CAMK1D: variants seen among roughly 807,000 people sequenced by gnomAD.
CAMK1D encodes the protein calcium/calmodulin-dependent protein kinase type 1D.
CAMK1D carries 9 observed loss-of-function variants against 47.7 expected under a neutral mutation model. The observed-to-expected ratio is 0.19, with a 90% confidence interval of 0.11 to 0.33. The LOEUF is 0.33. CAMK1D is among the 10% of genes least tolerant of loss of function. The pLI is 1.00. For missense variants in CAMK1D, 291 were observed against 488.7 expected (o/e 0.60, Z 3.81); for synonymous variants, 184 against 184.9 (o/e 0.99, Z 0.04).
At chr10:12,670,558 T>C (rs1261309930) in intron 3 of CAMK1D, among the ~76,000 whole-genome samples, 1 of 152,120 alleles carries the variant, frequency 6.6e-6, no homozygotes, top group Non-Finnish European at 1.5e-5. Context: ...ATGAAATTTT[T>C]TTTTTTTTGA....
At chr10:12,584,517 G>C (rs933435092) in intron 2 of CAMK1D, among the ~76,000 whole-genome samples, 1 of 152,194 alleles carries the variant, frequency 6.6e-6, no homozygotes, top group Non-Finnish European at 1.5e-5. Flanking sequence ...AGAGGGATCT[G>C]AGACTCAGAA....
At chr10:12,725,724 C>T (rs1181857703) in intron 3 of CAMK1D, among the ~76,000 whole-genome samples, 2 of 152,148 alleles carry the variant, frequency 1.3e-5, no homozygotes, top group African/African-American at 4.8e-5. Flanking sequence ...TGGTCATGTT[C>T]GTCTAGCCAG....
chr10:12,748,606 GAGA>G (rs1412368983), intron 3 of CAMK1D, among the ~76,000 whole-genome samples: 1 of 152,214 alleles, frequency 6.6e-6, no homozygotes, highest in Non-Finnish European at 1.5e-5. Context: ...CTCATCTGTT[GAGA>G]AGGACAGTAG....
intron 6 of CAMK1D, among the ~76,000 whole-genome samples, chr10:12,800,113 A>G (rs1838364398): frequency 6.6e-6 from 1 of 152,206 alleles, no homozygotes. Context: ...TATGTGAACC[A>G]TTCCTAGTTT....
intron 1 of CAMK1D, among the ~76,000 whole-genome samples, chr10:12,411,430 G>A (rs1439098049): frequency 2.6e-5 from 4 of 152,234 alleles, no homozygotes; most frequent in East Asian, 3.9e-4. Context: ...TGGGTCAGGC[G>A]GCTCCCAGCA....
At chr10:12,354,175 A>T (rs972826391) in intron 1 of CAMK1D, among the ~76,000 whole-genome samples, 1 of 152,078 alleles carries the variant, frequency 6.6e-6, no homozygotes, top group Non-Finnish European at 1.5e-5. Flanking sequence ...TCTCCGCGGG[A>T]TATGAATGCA....
chr10:12,598,663 C>T (rs1433785934), intron 2 of CAMK1D, among the ~76,000 whole-genome samples: 3 of 152,072 alleles, frequency 2.0e-5, no homozygotes, highest in Non-Finnish European at 4.4e-5. Context: ...CAGAAAGGAC[C>T]GAAGGTCTGA....
At chr10:12,410,606 TTTG>T (rs1372981640) in intron 1 of CAMK1D, among the ~76,000 whole-genome samples, 1 of 152,192 alleles carries the variant, frequency 6.6e-6, no homozygotes, top group Non-Finnish European at 1.5e-5. Flanking sequence ...TTGATCAATT[TTTG>T]TTGTTTGTTT....
chr10:12,391,422 A>G (rs1838727088), intron 1 of CAMK1D, among the ~76,000 whole-genome samples: 1 of 152,212 alleles, frequency 6.6e-6, no homozygotes, highest in Admixed American at 6.5e-5. Flanking sequence ...TTCCACAGGA[A>G]GGCAGTTTCA....
chr10:12,357,841 G>A (rs745783933), intron 1 of CAMK1D, among the ~76,000 whole-genome samples: 10 of 151,918 alleles, frequency 6.6e-5, no homozygotes, highest in Non-Finnish European at 1.2e-4. Flanking sequence ...TTTTCTCCGG[G>A]GTAGTTTTTT....
intron 3 of CAMK1D, among the ~76,000 whole-genome samples, chr10:12,705,137 G>C (rs1588827000): frequency 6.6e-6 from 1 of 152,176 alleles, no homozygotes; most frequent in East Asian, 1.9e-4. Context: ...AGTTATGACT[G>C]GCTTAAAACA....
intron 2 of CAMK1D, among the ~76,000 whole-genome samples, chr10:12,663,018 A>G (rs1309003533): frequency 2.0e-5 from 3 of 152,042 alleles, no homozygotes; most frequent in African/African-American, 7.2e-5. Context: ...CTGGAGTGCA[A>G]TGGCACGATC....
At chr10:12,620,331 A>G (rs566106380) in intron 2 of CAMK1D, among the ~76,000 whole-genome samples, 2 of 151,720 alleles carry the variant, frequency 1.3e-5, no homozygotes, top group African/African-American at 4.9e-5. Flanking sequence ...TGCATGTTCC[A>G]TTTGTAAAGA....
chr10:12,538,127 C>T (rs372799362), intron 1 of CAMK1D, among the ~76,000 whole-genome samples: 4 of 152,196 alleles, frequency 2.6e-5, no homozygotes, highest in Non-Finnish European at 4.4e-5. Flanking sequence ...GGGAAGGCAC[C>T]GTCAGCCACT....
intron 1 of CAMK1D, among the ~76,000 whole-genome samples, chr10:12,457,468 G>A (rs1833287421): frequency 6.6e-6 from 1 of 151,826 alleles, no homozygotes; most frequent in African/African-American, 2.4e-5. Flanking sequence ...GAAAAACAGT[G>A]CATGGAGTAT....
chr10:12,724,202 T>C (rs1436941921), intron 3 of CAMK1D, among the ~76,000 whole-genome samples: 3 of 152,194 alleles, frequency 2.0e-5, no homozygotes, highest in Non-Finnish European at 4.4e-5. Context: ...GTTGGCCAGG[T>C]TGATCTCAAA....
intron 2 of CAMK1D, among the ~76,000 whole-genome samples, chr10:12,579,081 A>G (rs1283057820): frequency 6.6e-6 from 1 of 152,118 alleles, no homozygotes; most frequent in Non-Finnish European, 1.5e-5. Context: ...GAAATTGAAC[A>G]GAGCTTCAAA....
intron 4 of CAMK1D, among the ~76,000 whole-genome samples, chr10:12,764,756 C>G (rs1836671412): frequency 6.6e-6 from 1 of 152,150 alleles, no homozygotes; most frequent in Admixed American, 6.5e-5. Context: ...CTTTTCTAAG[C>G]TTGACAGCAT....
At chr10:12,740,931 GT>G (rs1835398566) in intron 3 of CAMK1D, among the ~76,000 whole-genome samples, 1 of 152,156 alleles carries the variant, frequency 6.6e-6, no homozygotes, top group Non-Finnish European at 1.5e-5. Flanking sequence ...CTAGCCAGAA[GT>G]TTTGAATGAG....
Sources: allele counts gnomAD v4.1 joint callset (sites outside exome capture counted in the v4.1 genomes callset), GRCh38; gene constraint gnomAD v4.1.1; transcripts MANE v1.5; gene names NCBI Gene and HGNC (gene_info 2026-07-23, HGNC 2026-07-21).